LRP11: variants seen among roughly 807,000 people sequenced by gnomAD.
LRP11 encodes LDL receptor related protein 11, also known as low-density lipoprotein receptor-related protein 11.
Under a neutral mutation model 43.1 loss-of-function variants are expected in LRP11, and 25 were observed. The observed-to-expected ratio is 0.58, with a 90% confidence interval of 0.42 to 0.81. The LOEUF (loss-of-function observed/expected upper bound fraction) is 0.81, where lower values mean the gene tolerates loss of function less well. LRP11 is among the 30% of genes least tolerant of loss of function. LRP11 has a pLI of 0.00. For missense variants in LRP11, 623 were observed against 665.1 expected, an observed-to-expected ratio of 0.94 and a Z score of 0.70; for synonymous variants, 316 against 299.4, an observed-to-expected ratio of 1.06 and a Z score of -0.57.
At chr6:149,856,877 G>A (rs980391965) in intron 1 of LRP11, among the ~76,000 whole-genome samples, 11 of 152,288 alleles carry the variant, frequency 7.2e-5, no homozygotes, top group African/African-American at 2.2e-4. Context: ...TGAAGTCAGG[G>A]TACGGAAGCG....
intron 1 of LRP11, among the ~76,000 whole-genome samples, chr6:149,859,326 A>G (rs1776849424): frequency 6.9e-6 from 1 of 144,238 alleles, no homozygotes; most frequent in Non-Finnish European, 1.5e-5. Flanking sequence ...CTCTTCTGGG[A>G]AGTGTCTGCT....
rs542045485 is a variant in LRP11, at chr6:149,842,746, G to A, written c.913+237C>T. The A allele has an allele frequency of 1.4e-5, 20 of 1,455,932 alleles. No homozygotes were observed. In the Admixed American group the frequency reaches 2.0e-4, roughly 14 times the overall value. 90.2% of individuals were successfully genotyped at this position (1,455,932 alleles called of 1,614,324 possible). ...GATGAAGTCGAGTCAAGAGAAGCGGGAGCATCTCTTCTCATCCCCTGGAGT... is the reference window on the plus strand; with the variant it reads ...GATGAAGTCGAGTCAAGAGAAGCGGAAGCATCTCTTCTCATCCCCTGGAGT... On this transcript the variant is annotated intron_variant, in intron 3 of 6. Transcript: ENST00000239367.
At chr6:149,822,871 G>C (rs1776294390) in intron 6 of LRP11, among the ~76,000 whole-genome samples, 1 of 152,172 alleles carries the variant, frequency 6.6e-6, no homozygotes, top group South Asian at 2.1e-4. Flanking sequence ...TTCAGATTGA[G>C]ATGCCTATCA....
chr6:149,858,992 TAA>T (rs1198811794), intron 1 of LRP11, among the ~76,000 whole-genome samples: 2 of 152,206 alleles, frequency 1.3e-5, no homozygotes, highest in African/African-American at 2.4e-5. Context: ...GAAGTGTATA[TAA>T]AGTTTCCCAT....
chr6:149,821,926 C>A (rs1488824910), intron 6 of LRP11, among the ~76,000 whole-genome samples: 2 of 152,124 alleles, frequency 1.3e-5, no homozygotes, highest in East Asian at 1.9e-4. Flanking sequence ...ATAAATACCA[C>A]CCCCCTCAAG....
chr6:149,864,337 A>T lies in LRP11; in HGVS notation c.-317T>A, dbSNP rs148595883. On this transcript the variant is annotated 5_prime_UTR_variant, in exon 1 of 7. Transcript: ENST00000239367. ...CGACGAGTCGGCCTCGGCGTTGATC[A>T]GCACCAGGTGTGTGCGAACAGTGGC... 4 of 1,009,760 alleles carry T rather than the reference A, an allele frequency of 4.0e-6. No homozygotes were observed. The highest frequency in any genetic ancestry group is 4.7e-6 in the Non-Finnish European group (4 of 846,386). 62.6% of individuals were successfully genotyped at this position (1,009,760 alleles called of 1,614,324 possible). A position where few individuals can be genotyped will look rare whatever the true frequency, so the allele number is the denominator to read the frequency against.
chr6:149,842,731 A>C, intron 3 of LRP11: 1 of 1,520,318 alleles, frequency 6.6e-7, no homozygotes, highest in Non-Finnish European at 8.9e-7. Flanking sequence ...GATGAAGTCG[A>C]GTCAAGAGAA....
intron 2 of LRP11, among the ~76,000 whole-genome samples, chr6:149,843,937 A>G (rs184507517): frequency 6.6e-6 from 1 of 152,334 alleles, no homozygotes; most frequent in African/African-American, 2.4e-5. Flanking sequence ...CCTAGGTGTC[A>G]AGACCAACAA....
chr6:149,857,721 C>T (rs1361917609), intron 1 of LRP11, among the ~76,000 whole-genome samples: 1 of 152,156 alleles, frequency 6.6e-6, no homozygotes, highest in African/African-American at 2.4e-5. Context: ...ACCCCGTTGG[C>T]AGTACCTAGG....
In LRP11 at chr6:149,853,177, A is replaced by G. The variant is rs762215138; in HGVS notation, c.614-17T>C. On this transcript the variant is annotated splice_polypyrimidine_tract_variant and intron_variant, in intron 1 of 6. Coordinates refer to ENST00000239367, the MANE Select transcript of LRP11 (RefSeq NM_032832.6). The stretch of plus-strand genomic sequence containing the variant: ...CATCCTTTTCTGAGAAAGAAAATAA[A>G]TAATTCATAAAAGATGATTTCTTAT... The G allele has an allele frequency of 6.5e-7, 1 of 1,544,206 alleles. No homozygotes were observed. The highest frequency in any genetic ancestry group is 8.7e-7 in the Non-Finnish European group (1 of 1,146,104).
chr6:149,820,798 T>C (rs762562288), intron 6 of LRP11, 95 bp from the exon 7 acceptor site: 2 of 653,312 alleles, frequency 3.1e-6, no homozygotes, highest in Non-Finnish European at 5.6e-6. Flanking sequence ...ATGCACTATT[T>C]TATTTAATCC....
chr6:149,862,738 T>A (rs1459413684), intron 1 of LRP11, among the ~76,000 whole-genome samples: 1 of 151,796 alleles, frequency 6.6e-6, no homozygotes, highest in Non-Finnish European at 1.5e-5. Flanking sequence ...TGCCACCAGC[T>A]CTGGCTAATT....
chr6:149,852,054 C>T (rs1176926137), intron 2 of LRP11, among the ~76,000 whole-genome samples: 1 of 152,288 alleles, frequency 6.6e-6, no homozygotes, highest in African/African-American at 2.4e-5. Context: ...ATTCAGTAAC[C>T]TCCACCTGGT....
rs58791549 is a variant in LRP11, at chr6:149,820,396, C to CT, written c.*152dup. The CT allele has an allele frequency of 0.45, 209,361 of 468,976 alleles. 51,547 individuals are homozygous for CT. Among genetic ancestry groups the CT allele is most frequent in the East Asian group, 0.77 (23,001 of 29,850 alleles). 29.1% of individuals were successfully genotyped at this position (468,976 alleles called of 1,614,324 possible). A position where few individuals can be genotyped will look rare whatever the true frequency, so the allele number is the denominator to read the frequency against. ...AAATATTTTATGACTTCTAAGGAAACTTTTTTTACAATAAATAATAAAGAA... is the reference window on the plus strand; with the variant it reads ...AAATATTTTATGACTTCTAAGGAAACTTTTTTTTACAATAAATAATAAAGAA... On this transcript the variant is annotated 3_prime_UTR_variant, in exon 7 of 7. Transcript: ENST00000239367.
chr6:149,831,485 A>G (rs1040253793), intron 5 of LRP11, among the ~76,000 whole-genome samples: 1 of 152,236 alleles, frequency 6.6e-6, no homozygotes, highest in Non-Finnish European at 1.5e-5. Context: ...CAATCCAGCC[A>G]TTGTGCCTTT....
intron 3 of LRP11, among the ~76,000 whole-genome samples, chr6:149,840,819 C>G (rs1288013045): frequency 6.6e-6 from 1 of 152,228 alleles, no homozygotes; most frequent in Non-Finnish European, 1.5e-5. Context: ...CATGTCTCCA[C>G]TGGTCCTGGT....
intron 3 of LRP11, among the ~76,000 whole-genome samples, chr6:149,841,005 G>A (rs894415793): frequency 1.4e-4 from 22 of 152,280 alleles, no homozygotes; most frequent in African/African-American, 5.1e-4. Flanking sequence ...GTGCTGGCAC[G>A]GGCTGGAGTT....
chr6:149,859,458 C>A (rs1776858980), intron 1 of LRP11, among the ~76,000 whole-genome samples: 2 of 137,874 alleles, frequency 1.5e-5, no homozygotes, highest in Non-Finnish European at 3.0e-5. Flanking sequence ...TCCAGTGTTG[C>A]AATCTCAGCT....
At chr6:149,825,690 CTG>C (rs1562435930) in intron 6 of LRP11, among the ~76,000 whole-genome samples, 1 of 148,858 alleles carries the variant, frequency 6.7e-6, no homozygotes. Flanking sequence ...CGGTCTCACT[CTG>C]TCACCCAGGC....
Sources: gnomAD v4.1 joint callset for allele counts (sites outside exome capture counted in the v4.1 genomes callset) on GRCh38, gnomAD v4.1.1 for gene constraint, MANE v1.5 for transcripts, NCBI Gene and HGNC (gene_info 2026-07-23, HGNC 2026-07-21) for gene names.